The following PRAM1 variants were observed in gnomAD, a reference collection of about 807,000 sequenced individuals.
PRAM1 encodes the protein PML-RARA regulated adaptor molecule 1.
PRAM1 carries 41 observed loss-of-function variants against 55.3 expected under a neutral mutation model. The observed-to-expected ratio is 0.74, with a 90% CI of 0.58 to 0.96. The LOEUF is 0.96. PRAM1 is among the 40% of genes least tolerant of loss of function. The probability of loss-of-function intolerance (pLI) is 0.00; values close to 1 mark genes in which losing one functional copy is unlikely to be tolerated. For missense variants in PRAM1, 898 were observed against 892.7 expected (o/e 1.01, Z -0.08); for synonymous variants, 401 against 387.1 (o/e 1.04, Z -0.42).
At chr19:8,494,761 A>G (rs1971674574) in intron 4 of PRAM1, among the ~76,000 whole-genome samples, 1 of 150,658 alleles carries the variant, frequency 6.6e-6, no homozygotes, top group Admixed American at 6.7e-5. Context: ...CCTCCCAAGT[A>G]GCTGGGATTA....
Position 8,499,314 on chromosome 19 carries a change from C to T in PRAM1, c.494G>A (p.Arg165Gln), listed in dbSNP as rs890246858. The change falls in exon 2 of 10, where the codon CGG becomes CAG. Residue 165 changes from arginine (R) to glutamine (Q), a missense_variant. Around this residue, in one of 4 missense-constraint regions of PRAM1, gnomAD observed 787 missense variants for 735.4 expected, o/e 1.07. Transcript: ENST00000423345. The part of the protein sequence containing the change: ...ASLPEPGAPA[R>Q]KPLQPDELSH... ...GAGTTCGTCGGGCTGCAGGGGTTTC[C>T]GGGCCGGCGCACCAGGCTCCGGCAG... is the stretch of plus-strand genomic sequence containing the variant. 6.8e-6 allele frequency: 11 copies of T among 1,609,644 alleles called. No individual in the cohort carries two copies. The highest frequency in any genetic ancestry group is 2.7e-5 in the African/African-American group (2 of 74,470).
At position 8,493,017 on chromosome 19, in the gene PRAM1, T is replaced by C. The variant is rs930555381; in HGVS notation, c.1577-1860A>G. Among the ~76,000 whole-genome samples the C allele has an allele frequency of 3.3e-5, 5 of 152,076 alleles. No homozygotes were observed. The highest frequency in any genetic ancestry group is 1.2e-4 in the African/African-American group (5 of 41,400). On this transcript the variant is annotated intron_variant, in intron 4 of 9. Coordinates refer to ENST00000423345, the MANE Select transcript of PRAM1 (RefSeq NM_032152.5). The surrounding 1 kb of genome is among the most constrained non-coding windows in gnomAD (Gnocchi z 4.1). ...GTCTCAAAATAGTAAATAAAAATAA[T>C]TTTTAAAAGATGCTGCTAGGGTAAG... is the stretch of plus-strand genomic sequence containing the variant.
At chr19:8,494,636 C>A (rs542627735) in intron 4 of PRAM1, among the ~76,000 whole-genome samples, 311 of 141,842 alleles carry the variant, frequency 2.2e-3, no homozygotes, top group African/African-American at 7.6e-3. Flanking sequence ...ATTTTTTTTT[C>A]TTTTTTTTTT....
chr19:8,490,761 G>A lies in PRAM1; in HGVS notation c.1744-5C>T, dbSNP rs1971611211. 6.2e-6 allele frequency: 10 copies of A among 1,608,270 alleles called. No homozygotes were observed. Among genetic ancestry groups the A allele is most frequent in the Non-Finnish European group, 8.5e-6 (10 of 1,179,462 alleles). ...AACCACGATCTCCCCTTCAAACTGG[G>A]GCGCGAGATGTTAGGGCCTCTGCTT... On this transcript the variant is annotated splice_region_variant and splice_polypyrimidine_tract_variant and intron_variant, in intron 6 of 9. Transcript: ENST00000423345. The surrounding 1 kb of genome is among the most constrained non-coding windows in gnomAD (Gnocchi z 7.3).
In PRAM1 at chr19:8,497,839, C is replaced by T. The variant is rs1197428055; in HGVS notation, c.1501G>A (p.Val501Ile). ...TACAGCTCGTAGATCTCATCTGGGA[C>T]CCTGCGGGGATACCTGAGATGAGGC... ...QDRQPEDIPQ[V>I]PDEIYELYDD... The change falls in exon 4 of 10, where the codon GTC (valine) becomes ATC (isoleucine). Residue 501 changes from valine (V) to isoleucine (I), a missense_variant and splice_region_variant. Transcript: ENST00000423345. 5 of 1,582,824 alleles carry T rather than the reference C, an allele frequency of 3.2e-6. No homozygotes were observed. Among genetic ancestry groups the T allele is most frequent in the Non-Finnish European group, 4.3e-6 (5 of 1,161,224 alleles).
At position 8,490,076 on chromosome 19, in the gene PRAM1, TGTGGCCAGGTACAA is replaced by T. The variant is rs1056706685; in HGVS notation, c.*99_*112del. ...GGGACTGCTTTAAACTGGGGCTTTA[TGTGGCCAGGTACAA>T]GCCCAGGCAGCTCTGTGACTTTCCC... On this transcript the variant is annotated 3_prime_UTR_variant, in exon 10 of 10. Transcript: ENST00000423345. The surrounding 1 kb of genome is among the most constrained non-coding windows in gnomAD (Gnocchi z 7.3). The T allele has an allele frequency of 6.6e-6, 7 of 1,056,234 alleles. No individual in the cohort carries two copies. The African/African-American group carries it at 1.1e-4, about 17-fold the overall frequency. 65.4% of individuals were successfully genotyped at this position (1,056,234 alleles called of 1,614,324 possible).
chr19:8,497,838 A>G lies in PRAM1; in HGVS notation c.1502T>C (p.Val501Ala), dbSNP rs1184145918. ...ATACAGCTCGTAGATCTCATCTGGGACCCTGCGGGGATACCTGAGATGAGG... is the reference window on the plus strand; with the variant it reads ...ATACAGCTCGTAGATCTCATCTGGGGCCCTGCGGGGATACCTGAGATGAGG... ...QDRQPEDIPQVPDEIYELYDD... is the reference protein window; with the variant it reads ...QDRQPEDIPQAPDEIYELYDD... Residue 501 changes from valine (V) to alanine (A), a missense_variant and splice_region_variant, in exon 4 of 10, where the codon GTC becomes GCC. Physicochemically the swap from Val to Ala is moderately conservative, Grantham distance 64. Transcript: ENST00000423345. 5.5e-6 allele frequency: 8 copies of G among 1,456,494 alleles called. No homozygotes were observed. Among genetic ancestry groups the G allele is most frequent in the Non-Finnish European group, 7.6e-6 (8 of 1,059,520 alleles). 90.2% of individuals were successfully genotyped at this position (1,456,494 alleles called of 1,614,324 possible).
chr19:8,494,117 T>G (rs1402126844), intron 4 of PRAM1, among the ~76,000 whole-genome samples: 1 of 152,054 alleles, frequency 6.6e-6, no homozygotes, highest in African/African-American at 2.4e-5. Context: ...TTTTTTCCTA[T>G]CAGAACCTCA....
chr19:8,500,337 C>A (rs1216370821), intron 1 of PRAM1, among the ~76,000 whole-genome samples: 1 of 151,898 alleles, frequency 6.6e-6, no homozygotes, highest in African/African-American at 2.4e-5. Flanking sequence ...ACTGCCTTCA[C>A]CACTGTCACC....
rs372574211 is a variant in PRAM1 at position 8,490,693 on chromosome 19, C to T, written c.1807G>A (p.Gly603Arg). 2.1e-4 allele frequency: 339 copies of T among 1,607,416 alleles called. No individual in the cohort carries two copies. The highest frequency in any genetic ancestry group is 2.7e-4 in the Non-Finnish European group (323 of 1,177,194). ...CGGATCCCGAGGTGCTTGCCACCCC[C>T]GCGACGTGTCTTAGCGTTGGGGTCG... The part of the protein sequence containing the change: ...MIDPNAKTRR[G>R]GGKHLGIRRG... Residue 603 changes from glycine (G) to arginine (R), a missense_variant, in exon 7 of 10, where the codon GGG (glycine) becomes AGG (arginine). Around this residue, in one of 4 missense-constraint regions of PRAM1, gnomAD observed 787 missense variants for 735.4 expected, o/e 1.07. Coordinates refer to ENST00000423345, the MANE Select transcript of PRAM1 (RefSeq NM_032152.5). The surrounding 1 kb of genome is among the most constrained non-coding windows in gnomAD (Gnocchi z 7.3).
In PRAM1 at chr19:8,498,964, G is replaced by C. The variant is rs1450096659; in HGVS notation, c.844C>G (p.Pro282Ala). 6.2e-7 allele frequency: 1 copy of C among 1,613,936 alleles called. No homozygotes were observed. Among genetic ancestry groups the C allele is most frequent in the Admixed American group, 1.7e-5 (1 of 60,024 alleles). Residue 282 changes from proline (P) to alanine (A), a missense_variant, in exon 2 of 10, where the codon CCC (proline) becomes GCC (alanine). By Grantham distance (27) the Pro-to-Ala change is conservative. Coordinates refer to ENST00000423345, the MANE Select transcript of PRAM1 (RefSeq NM_032152.5). ...AGCTCAGGCTGCGGAGGCTTCTTGG[G>C]AAAGTCACTCAGCGGAGGCTGGGAG... ...KASQPPLSDF[P>A]KKPPQPELGD...
rs957160843 is a variant in PRAM1, at chr19:8,499,287, C to A, written c.521G>T (p.Ser174Ile). 9.3e-6 allele frequency: 15 copies of A among 1,609,356 alleles called. No homozygotes were observed. The highest frequency in any genetic ancestry group is 1.3e-5 in the Non-Finnish European group (15 of 1,177,716). The change falls in exon 2 of 10, where the codon AGT (serine) becomes ATT (isoleucine). Residue 174 changes from serine (S) to isoleucine (I), a missense_variant. Physicochemically the swap from Ser to Ile is moderately radical, Grantham distance 142. Transcript: ENST00000423345. Reference protein sequence around the residue: ...ARKPLQPDELSHPARPPSEPK... With the variant: ...ARKPLQPDELIHPARPPSEPK... The stretch of plus-strand genomic sequence containing the variant: ...TTCGGAGGGGGGTCTGGCGGGGTGA[C>A]TGAGTTCGTCGGGCTGCAGGGGTTT...
At chr19:8,497,702 CAT>C in intron 4 of PRAM1, 60 bp downstream of exon 4, 2 of 1,380,634 alleles carry the variant, frequency 1.4e-6, no homozygotes, top group East Asian at 4.6e-5. Flanking sequence ...ACACCAGGAG[CAT>C]GGCAGAAAAT....
intron 4 of PRAM1, among the ~76,000 whole-genome samples, chr19:8,492,480 C>T (rs994978988): frequency 4.6e-5 from 7 of 151,744 alleles, no homozygotes; most frequent in Non-Finnish European, 8.8e-5. Flanking sequence ...TGGTCTCTAA[C>T]TCCTGACCTC....
In PRAM1 at chr19:8,499,148, C is replaced by T; in HGVS notation, c.660G>A (p.Glu220=). 1 of 1,613,734 alleles carries T rather than the reference C, an allele frequency of 6.2e-7. No homozygotes were observed. The highest frequency in any genetic ancestry group is 8.5e-7 in the Non-Finnish European group (1 of 1,179,810). The part of the protein sequence containing the change: ...STFPKKPAQP[E]FNVYPKKPPQ... ...GAGGCTTTTTGGGGTACACGTTGAA[C>T]TCAGGCTGCGCAGGCTTCTTGGGAA... The change falls in exon 2 of 10, where the codon GAG becomes GAA. Residue 220 remains glutamate (E), a synonymous_variant. Transcript: ENST00000423345.
intron 1 of PRAM1, 81 bp downstream of exon 1, chr19:8,502,484 A>G (rs1198127334): frequency 6.6e-5 from 8 of 121,576 alleles, no homozygotes; most frequent in Non-Finnish European, 1.1e-4. Context: ...CCGCCCCTCC[A>G]CAGGTGGATC....
chr19:8,496,060 C>T (rs1170540469), intron 4 of PRAM1: 1 of 456,110 alleles, frequency 2.2e-6, no homozygotes, highest in Admixed American at 2.3e-5. Flanking sequence ...CCACACCTCC[C>T]CCTGAGTTTC....
chr19:8,491,142 A>G lies in PRAM1; in HGVS notation c.1592T>C (p.Val531Ala), dbSNP rs1971624183. Reference sequence around the variant, plus strand: ...TGGTGGCCTCCTGGCGGCTTGCTGAACTGAGGGCGCTTCATCTGGGGACAG... The same window carrying G: ...TGGTGGCCTCCTGGCGGCTTGCTGAGCTGAGGGCGCTTCATCTGGGGACAG... ...SPKGRDEAPS[V>A]QQAARRPPQD... The change falls in exon 5 of 10, where the codon GTT becomes GCT. Residue 531 changes from valine (V) to alanine (A), a missense_variant. Transcript: ENST00000423345. The G allele has an allele frequency of 1.9e-6, 3 of 1,611,410 alleles. No individual in the cohort carries two copies. The highest frequency in any genetic ancestry group is 2.5e-6 in the Non-Finnish European group (3 of 1,179,704).
In PRAM1 at chr19:8,499,501, G is replaced by A. The variant is rs775428414; in HGVS notation, c.307C>T (p.Leu103Phe). 6.4e-7 allele frequency: 1 copy of A among 1,555,318 alleles called. No homozygotes were observed. Among genetic ancestry groups the A allele is most frequent in the South Asian group, 1.2e-5 (1 of 83,366 alleles). ...TCAGGCGGCGGGGGCTTCTTGGGGA[G>A]GTCAGTGACCTCAGGCGGCGGGGGC... ...KKPPPPEVTD[L>F]PKKPPPPEVT... Residue 103 changes from leucine (L) to phenylalanine (F), a missense_variant, in exon 2 of 10, where the codon CTC becomes TTC. This residue lies in a region of PRAM1 where 30 missense variants were observed against 44.6 expected (regional missense o/e 0.67). Coordinates refer to ENST00000423345, the MANE Select transcript of PRAM1 (RefSeq NM_032152.5).
Sources: allele counts gnomAD v4.1 joint callset (sites outside exome capture counted in the v4.1 genomes callset), GRCh38; gene constraint gnomAD v4.1.1; regional missense constraint gnomAD v4.1.1; non-coding constraint Gnocchi (gnomAD v3.1); transcripts MANE v1.5; gene names NCBI Gene and HGNC (gene_info 2026-07-23, HGNC 2026-07-21).